The following PCNT variants were observed in gnomAD, a reference collection of about 807,000 sequenced individuals.
The protein encoded by PCNT is kendrin.
PCNT carries 319 observed loss-of-function variants against 380.4 expected under a neutral mutation model. The observed-to-expected ratio is 0.84, with a 90% CI of 0.77 to 0.92. The LOEUF is 0.92. Among genes scored for constraint, PCNT ranks in the 40% least tolerant of loss-of-function variants. The probability of loss-of-function intolerance (pLI) is 0.00; values close to 1 mark genes in which losing one functional copy is unlikely to be tolerated. For missense variants in PCNT, 4,400 were observed against 4,255.3 expected (o/e 1.03, Z -0.95); for synonymous variants, 1,845 against 1,735.2 (o/e 1.06, Z -1.57).
At chr21:46,441,563 G>A (rs1475480880) in intron 43 of PCNT, among the ~76,000 whole-genome samples, 3 of 152,136 alleles carry the variant, frequency 2.0e-5, no homozygotes, top group African/African-American at 4.8e-5. Flanking sequence ...CTGGGCCAAA[G>A]TGGGGTGCAG....
At chr21:46,341,135 G>A (rs2083900420) in intron 3 of PCNT, among the ~76,000 whole-genome samples, 1 of 152,172 alleles carries the variant, frequency 6.6e-6, no homozygotes. Context: ...TGCCCACCTT[G>A]GCCTCCCAAA....
intron 9 of PCNT, among the ~76,000 whole-genome samples, chr21:46,352,895 T>C (rs539595539): frequency 6.6e-6 from 1 of 152,306 alleles, no homozygotes; most frequent in East Asian, 1.9e-4. Context: ...CTCCCAGCCC[T>C]GTGGCTCTTG....
chr21:46,430,443 T>A, intron 36 of PCNT, 64 bp from the exon 37 acceptor site: 1 of 1,540,758 alleles, frequency 6.5e-7, no homozygotes, highest in South Asian at 1.2e-5. Context: ...CTCCTGGAGC[T>A]CCCAGCCCCC....
In PCNT at chr21:46,391,066, T is replaced by G. The variant is rs1601937203; in HGVS notation, c.4004-98T>G. On this transcript the variant is annotated intron_variant, in intron 20 of 46. Transcript: ENST00000359568. ...GGAAGCTGCTGGCTCTTAGCTCTGC[T>G]GCTCTCAGGGGCAGTGGCCCCGTCC... 3 of 1,265,712 alleles carry G rather than the reference T, an allele frequency of 2.4e-6. No individual in the cohort carries two copies. The East Asian group carries it at 7.6e-5, about 32-fold the overall frequency. 78.4% of individuals were successfully genotyped at this position (1,265,712 alleles called of 1,614,324 possible).
chr21:46,367,604 G>C (rs2084975437), intron 15 of PCNT, among the ~76,000 whole-genome samples: 1 of 152,188 alleles, frequency 6.6e-6, no homozygotes, highest in Non-Finnish European at 1.5e-5. Flanking sequence ...ACCGCACCCG[G>C]CCTGAGCTGG....
intron 9 of PCNT, 49 bp from the exon 10 acceptor site, chr21:46,353,055 T>C (rs2084333625): frequency 6.7e-7 from 1 of 1,491,132 alleles, no homozygotes; most frequent in Non-Finnish European, 9.3e-7. Flanking sequence ...GCCTGGCTTG[T>C]TGTGGGTGTC....
At chr21:46,340,228 A>G (rs2083874403) in intron 3 of PCNT, among the ~76,000 whole-genome samples, 1 of 152,182 alleles carries the variant, frequency 6.6e-6, no homozygotes, top group African/African-American at 2.4e-5. Context: ...CTCAGGAGAC[A>G]AGCACGGGAA....
rs373086394 is a variant in PCNT, at chr21:46,427,824, A to G, written c.7494+29A>G. ...AGTGTCAGCTCTGCCACCAGGCCTC[A>G]GTTTGCCCCAGGGGTCCAGCCCTGG... On this transcript the variant is annotated intron_variant, in intron 34 of 46. Coordinates refer to ENST00000359568, the MANE Select transcript of PCNT (RefSeq NM_006031.6). 46 of 1,611,226 alleles carry G rather than the reference A, an allele frequency of 2.9e-5. No homozygotes were observed. In the Middle Eastern group the frequency reaches 2.8e-3, roughly 99 times the overall value.
At chr21:46,414,525 C>T (rs150492917) in intron 29 of PCNT, among the ~76,000 whole-genome samples, 97 of 144,934 alleles carry the variant, frequency 6.7e-4, no homozygotes, top group Non-Finnish European at 1.2e-3. Flanking sequence ...AACCACCCAC[C>T]CTGCTCCTCC....
At position 46,411,445 on chromosome 21, in the gene PCNT, A is replaced by G. The variant is rs756661324; in HGVS notation, c.5372A>G (p.Glu1791Gly). Residue 1791 changes from glutamate (E) to glycine (G), a missense_variant, in exon 28 of 47, where the codon GAG (glutamate) becomes GGG (glycine). Transcript: ENST00000359568. ...CCTCGTGGGCAGGCCCTACAGGGCG[A>G]GCTCGAGGCTGCGCTGGAAGCCAAG... ...GGPRGQALQG[E>G]LEAALEAKEA... 1 of 1,611,622 alleles carries G rather than the reference A, an allele frequency of 6.2e-7. No individual in the cohort carries two copies. Among genetic ancestry groups the G allele is most frequent in the Admixed American group, 1.7e-5 (1 of 59,924 alleles).
intron 2 of PCNT, among the ~76,000 whole-genome samples, chr21:46,332,805 A>T (rs2083600201): frequency 1.3e-5 from 2 of 152,216 alleles, no homozygotes; most frequent in African/African-American, 2.4e-5. Context: ...TTCTTAGTGA[A>T]TCATCTTGTT....
intron 38 of PCNT, among the ~76,000 whole-genome samples, chr21:46,435,551 T>C (rs1259107395): frequency 6.7e-6 from 1 of 150,030 alleles, no homozygotes; most frequent in Non-Finnish European, 1.5e-5. Context: ...TGTTTTGTTT[T>C]GTTTTGTTTG....
intron 29 of PCNT, among the ~76,000 whole-genome samples, chr21:46,413,968 A>G (rs2086906219): frequency 6.6e-6 from 1 of 150,656 alleles, no homozygotes; most frequent in Non-Finnish European, 1.5e-5. Context: ...CATCAGGTGC[A>G]GATGGCACCT....
chr21:46,340,492 AGTT>A (rs1428544783), intron 3 of PCNT, among the ~76,000 whole-genome samples: 1 of 152,168 alleles, frequency 6.6e-6, no homozygotes, highest in Non-Finnish European at 1.5e-5. Flanking sequence ...ATACGTCCAG[AGTT>A]GTTAATTTTG....
chr21:46,416,871 T>C, intron 30 of PCNT, 32 bp downstream of exon 30: 1 of 1,594,710 alleles, frequency 6.3e-7, no homozygotes, highest in African/African-American at 1.3e-5. Flanking sequence ...AGGCCTGCTG[T>C]TCCCGTGGGA....
At chr21:46,340,945 GC>G (rs1363099990) in intron 3 of PCNT, among the ~76,000 whole-genome samples, 2 of 152,186 alleles carry the variant, frequency 1.3e-5, no homozygotes, top group African/African-American at 4.8e-5. Context: ...GTGCAGTGGT[GC>G]CATCTCAGCT....
chr21:46,415,054 G>A (rs1908769759), intron 29 of PCNT, among the ~76,000 whole-genome samples: 2 of 152,240 alleles, frequency 1.3e-5, no homozygotes, highest in Admixed American at 6.5e-5. Context: ...GCTGAGACCT[G>A]GGCTCACCCG....
chr21:46,346,240 C>T lies in PCNT; in HGVS notation c.720+32C>T, dbSNP rs114224027. 0.04 allele frequency: 61,061 copies of T among 1,521,834 alleles called. 1,570 individuals are homozygous for T. The highest frequency in any genetic ancestry group is 0.083 in the Middle Eastern group (484 of 5,860). The allele number at this position is 1,521,834 out of a possible 1,614,324, so 94.3% of individuals were successfully genotyped here. ...CGGCGGGGCCTGCACAGGCTCACAG[C>T]ATGGGCTCTGTTATCCCCACAGGGC... On this transcript the variant is annotated intron_variant, in intron 4 of 46. Transcript: ENST00000359568.
intron 40 of PCNT, 83 bp downstream of exon 40, chr21:46,437,164 G>A (rs375021682): frequency 4.4e-5 from 38 of 865,552 alleles, no homozygotes; most frequent in African/African-American, 3.2e-4. Flanking sequence ...TCTTTTTCAC[G>A]CTTCCCCATT....
Sources: allele counts gnomAD v4.1 joint callset (sites outside exome capture counted in the v4.1 genomes callset), GRCh38; gene constraint gnomAD v4.1.1; transcripts MANE v1.5; gene names NCBI Gene and HGNC (gene_info 2026-07-23, HGNC 2026-07-21).